The following HSPA4 variants were observed in gnomAD, a reference collection of about 807,000 sequenced individuals.
HSPA4 encodes the protein heat shock 70 kDa protein 4.
A neutral mutation model predicts 106.2 loss-of-function variants in HSPA4; 25 were observed. That is an observed-to-expected ratio of 0.24 (90% CI 0.17 to 0.33). The LOEUF (loss-of-function observed/expected upper bound fraction) is 0.33. Among genes scored for constraint, HSPA4 ranks in the 10% least tolerant of loss-of-function variants. The pLI is 1.00. For missense variants in HSPA4, 841 were observed against 996.0 expected (o/e 0.84, Z 2.10); for synonymous variants, 332 against 333.6 (o/e 1.00, Z 0.05).
At chr5:133,090,645 C>G (rs1037402786) in intron 11 of HSPA4, among the ~76,000 whole-genome samples, 6 of 151,946 alleles carry the variant, frequency 3.9e-5, no homozygotes, top group African/African-American at 1.2e-4. Flanking sequence ...TTAGGAGTAT[C>G]CTGAATGGCA....
In HSPA4 at chr5:133,073,217, T is replaced by C. The variant is rs1287226772; in HGVS notation, c.430-13T>C. ...ATCTATAATACAGTAAGCATTCTTTTTTTTTTTTGTAGGTTCCTTGTTTCT... is the reference window on the plus strand; with the variant it reads ...ATCTATAATACAGTAAGCATTCTTTCTTTTTTTTGTAGGTTCCTTGTTTCT... On this transcript the variant is annotated splice_polypyrimidine_tract_variant and intron_variant, in intron 4 of 18. Coordinates refer to ENST00000304858, the MANE Select transcript of HSPA4 (RefSeq NM_002154.4). The C allele has an allele frequency of 2.0e-6, 3 of 1,537,956 alleles. No individual in the cohort carries two copies.
At position 133,097,293 on chromosome 5, in the gene HSPA4, C is replaced by T. The variant is rs1446932978; in HGVS notation, c.1929+7C>T. 1.2e-6 allele frequency: 2 copies of T among 1,611,236 alleles called. No homozygotes were observed. The highest frequency in any genetic ancestry group is 1.1e-5 in the South Asian group (1 of 90,842). ...GAAGTTTGTGAGTGAAGATGTAAGT[C>T]TGCCACAATATGCCTAACTACTGTG... On this transcript the variant is annotated splice_region_variant and intron_variant, in intron 15 of 18. Transcript: ENST00000304858.
At position 133,060,607 on chromosome 5, in the gene HSPA4, C is replaced by G. The variant is rs553821226; in HGVS notation, c.108-4373C>G. ...AAACTCCTGACCTCAGATGATCTGC[C>G]CACCTCGGCCTCTCAAAGTGTTGGG... On this transcript the variant is annotated intron_variant, in intron 1 of 18. Coordinates refer to ENST00000304858, the MANE Select transcript of HSPA4 (RefSeq NM_002154.4). 1.2e-3 allele frequency among the ~76,000 whole-genome samples: 187 copies of G among 152,264 alleles called. 2 individuals carry two copies. The South Asian group carries it at 0.014, about 11-fold the overall frequency.
chr5:133,083,578 C>A (rs557474746), intron 7 of HSPA4, among the ~76,000 whole-genome samples: 1 of 151,734 alleles, frequency 6.6e-6, no homozygotes, highest in Admixed American at 6.6e-5. Flanking sequence ...GCTCTTGTTG[C>A]CCAGGCTGGA....
chr5:133,057,956 A>G (rs1458445787), intron 1 of HSPA4, among the ~76,000 whole-genome samples: 1 of 152,274 alleles, frequency 6.6e-6, no homozygotes, highest in East Asian at 1.9e-4. Context: ...TGTGTGATAC[A>G]GACCTAAAAT....
At chr5:133,078,193 A>G (rs1033055646) in intron 7 of HSPA4, among the ~76,000 whole-genome samples, 1 of 151,916 alleles carries the variant, frequency 6.6e-6, no homozygotes, top group Admixed American at 6.6e-5. Context: ...TTAGCCGGGT[A>G]TGGTGGCGGG....
intron 7 of HSPA4, among the ~76,000 whole-genome samples, chr5:133,083,942 T>C (rs1031873911): frequency 6.6e-6 from 1 of 152,220 alleles, no homozygotes; most frequent in African/African-American, 2.4e-5. Flanking sequence ...CCCCAAATAC[T>C]AAGGTTTGCA....
At chr5:133,055,273 T>C (rs1009623700) in intron 1 of HSPA4, among the ~76,000 whole-genome samples, 2 of 151,358 alleles carry the variant, frequency 1.3e-5, no homozygotes, top group African/African-American at 4.9e-5. Context: ...TTTTGGAGTC[T>C]TGGGCTAAAT....
chr5:133,091,108 A>T (rs770777799), intron 11 of HSPA4, 85 bp from the exon 12 acceptor site: 25 of 1,113,662 alleles, frequency 2.2e-5, no homozygotes, highest in Non-Finnish European at 3.5e-5. Context: ...TTGAAAGTAG[A>T]CATAATCTAG....
chr5:133,052,289 C>G lies in HSPA4; in HGVS notation c.39C>G (p.Cys13Trp), dbSNP rs1357201938. 6.3e-7 allele frequency: 1 copy of G among 1,597,648 alleles called. No homozygotes were observed. The part of the protein sequence containing the change: ...VVGIDLGFQS[C>W]YVAVARAGGI... ...GCATAGACCTGGGCTTCCAGAGCTGCTACGTCGCTGTGGCCCGCGCCGGCG... is the reference window on the plus strand; with the variant it reads ...GCATAGACCTGGGCTTCCAGAGCTGGTACGTCGCTGTGGCCCGCGCCGGCG... Residue 13 changes from cysteine to tryptophan, a missense_variant, in exon 1 of 19, where the codon TGC (cysteine) becomes TGG (tryptophan). Cys to Trp is a radical substitution (Grantham distance 215). Coordinates refer to ENST00000304858, the MANE Select transcript of HSPA4 (RefSeq NM_002154.4).
chr5:133,067,649 C>T (rs6596098), intron 3 of HSPA4, 92 bp downstream of exon 3: 315,444 of 1,105,614 alleles, frequency 0.29, 49,963 homozygotes, highest in African/African-American at 0.63. Context: ...TGTCAGATTG[C>T]AATGAAAATG....
At chr5:133,094,356 A>T (rs890896111) in intron 13 of HSPA4, among the ~76,000 whole-genome samples, 21 of 152,346 alleles carry the variant, frequency 1.4e-4, no homozygotes, top group Admixed American at 1.3e-4. Context: ...AGTGACATTT[A>T]AAAAAGTTGG....
At chr5:133,053,047 G>C (rs547468273) in intron 1 of HSPA4, 1 of 152,360 alleles carries the variant, frequency 6.6e-6, no homozygotes, top group Admixed American at 6.5e-5. Context: ...TTTTGTGCGC[G>C]TTAACCCCTC....
intron 16 of HSPA4, among the ~76,000 whole-genome samples, chr5:133,101,195 G>C (rs1765780572): frequency 6.6e-6 from 1 of 152,048 alleles, no homozygotes; most frequent in Admixed American, 6.6e-5. Flanking sequence ...ATCCGTATAG[G>C]GCTCATAGAT....
intron 2 of HSPA4, among the ~76,000 whole-genome samples, chr5:133,066,326 C>T (rs746387211): frequency 6.6e-6 from 1 of 152,114 alleles, no homozygotes; most frequent in Admixed American, 6.5e-5. Flanking sequence ...TACTACATCT[C>T]CTGCATTGGG....
At chr5:133,073,675 G>A (rs901011378) in intron 5 of HSPA4, among the ~76,000 whole-genome samples, 2 of 152,180 alleles carry the variant, frequency 1.3e-5, no homozygotes, top group East Asian at 1.9e-4. Context: ...CTCATGGACA[G>A]AACATGCGGG....
chr5:133,078,890 C>T (rs548579939), intron 7 of HSPA4, among the ~76,000 whole-genome samples: 1 of 151,956 alleles, frequency 6.6e-6, no homozygotes, highest in East Asian at 2.0e-4. Context: ...CGTGCCACCA[C>T]GCCTGGCTAA....
intron 16 of HSPA4, among the ~76,000 whole-genome samples, 190 bp downstream of exon 16, chr5:133,099,842 T>C (rs763536890): frequency 1.3e-5 from 2 of 152,196 alleles, no homozygotes; most frequent in Non-Finnish European, 2.9e-5. Flanking sequence ...AAATGATTTT[T>C]CTGAAAATTG....
At position 133,073,341 on chromosome 5, in the gene HSPA4, C is replaced by A. The variant is rs73788295; in HGVS notation, c.529+12C>A. 2.6e-5 allele frequency: 39 copies of A among 1,526,314 alleles called. No homozygotes were observed. Among genetic ancestry groups the A allele is most frequent in the Non-Finnish European group, 3.3e-5 (37 of 1,111,080 alleles). 94.5% of individuals were successfully genotyped at this position (1,526,314 alleles called of 1,614,324 possible). A position where few individuals can be genotyped will look rare whatever the true frequency, so the allele number is the denominator to read the frequency against. ...TGAAACCACTGCAGGTAAGGAGGAC[C>A]GTTGATTATTTTTTTGACTTGGTTA... is the stretch of plus-strand genomic sequence containing the variant. On this transcript the variant is annotated intron_variant, in intron 5 of 18. Coordinates refer to ENST00000304858, the MANE Select transcript of HSPA4 (RefSeq NM_002154.4).
Sources: allele counts gnomAD v4.1 joint callset (sites outside exome capture counted in the v4.1 genomes callset), GRCh38; gene constraint gnomAD v4.1.1; transcripts MANE v1.5; gene names NCBI Gene and HGNC (gene_info 2026-07-23, HGNC 2026-07-21).